Variants in ZNF345 observed in about 807,000 individuals in gnomAD.
ZNF345 encodes the protein zinc finger protein 345.
For synonymous variants in ZNF345, 166 were observed against 187.9 expected (o/e 0.88, Z 0.95); for missense variants, 527 against 589.9 (o/e 0.89, Z 1.10).
In ZNF345 at chr19:36,878,165, G is replaced by C. The variant is rs200277826; in HGVS notation, c.1335G>C (p.Gln445His). 14 of 1,614,078 alleles carry C rather than the reference G, an allele frequency of 8.7e-6. No individual in the cohort carries two copies. The East Asian group carries it at 3.1e-4, about 36-fold the overall frequency. The change falls in exon 3 of 3, where the codon CAG becomes CAC. Residue 445 changes from glutamine to histidine, a missense_variant. Transcript: ENST00000420450. ...GTGGCTCAAGCCTTACTCAGCATCAGAGAATTCATACAGGTGAGAAACTTT... is the reference window on the plus strand; with the variant it reads ...GTGGCTCAAGCCTTACTCAGCATCACAGAATTCATACAGGTGAGAAACTTT... ...FYSGSSLTQHQRIHTGEKLYE... is the reference protein window; with the variant it reads ...FYSGSSLTQHHRIHTGEKLYE...
intron 3 of ZNF345, chr19:36,891,351 G>A: frequency 1.2e-6 from 1 of 806,396 alleles, no homozygotes; most frequent in South Asian, 3.0e-5. Flanking sequence ...CAAGGTTTTG[G>A]TACTTGGTAC....
chr19:36,863,945 G>A (rs910044705), intron 2 of ZNF345, among the ~76,000 whole-genome samples: 9 of 152,070 alleles, frequency 5.9e-5, no homozygotes, highest in Non-Finnish European at 1.0e-4. Context: ...AATCCCATTG[G>A]CATGGAACTC....
intron 2 of ZNF345, among the ~76,000 whole-genome samples, chr19:36,867,158 A>G (rs2072677376): frequency 6.6e-6 from 1 of 152,228 alleles, no homozygotes; most frequent in Non-Finnish European, 1.5e-5. Context: ...TTTTTCCCAC[A>G]TCTTTACCAA....
Position 36,877,660 on chromosome 19 carries a change from A to C in ZNF345, c.830A>C (p.Gln277Pro), listed in dbSNP as rs1236722770. The C allele has an allele frequency of 1.2e-6, 2 of 1,614,126 alleles. No individual in the cohort carries two copies. Among genetic ancestry groups the C allele is most frequent in the South Asian group, 2.2e-5 (2 of 91,074 alleles). Residue 277 changes from glutamine (Q) to proline (P), a missense_variant, in exon 3 of 3, where the codon CAA (glutamine) becomes CCA (proline). Gln to Pro is a moderately conservative substitution (Grantham distance 76). Coordinates refer to ENST00000420450, the MANE Select transcript of ZNF345 (RefSeq NM_001242472.2). ...FSFGSALTRH[Q>P]RIHTGEKPYV... ...TTTGGATCAGCCCTTACTCGACATC[A>C]AAGAATTCATACTGGTGAGAAACCT...
At chr19:36,859,810 C>T (rs996185465) in intron 2 of ZNF345, among the ~76,000 whole-genome samples, 1 of 151,908 alleles carries the variant, frequency 6.6e-6, no homozygotes, top group Admixed American at 6.6e-5. Context: ...CCAGTTGTTA[C>T]CTTTTGCCTA....
intron 2 of ZNF345, among the ~76,000 whole-genome samples, chr19:36,856,717 A>G (rs1419483713): frequency 6.6e-6 from 1 of 152,046 alleles, no homozygotes; most frequent in Non-Finnish European, 1.5e-5. Context: ...TTAGCCGGGC[A>G]TGGTGGCAGG....
chr19:36,859,575 C>A (rs982014019), intron 2 of ZNF345, among the ~76,000 whole-genome samples: 9 of 151,280 alleles, frequency 5.9e-5, no homozygotes, highest in African/African-American at 2.2e-4. Context: ...GCATTTAATT[C>A]TATCAATTAC....
chr19:36,867,880 C>T (rs1174741345), intron 2 of ZNF345, among the ~76,000 whole-genome samples: 1 of 151,930 alleles, frequency 6.6e-6, no homozygotes, highest in Non-Finnish European at 1.5e-5. Flanking sequence ...ATTACTGTAG[C>T]TTTGTAGTAG....
At chr19:36,857,347 C>T (rs1229622919) in intron 2 of ZNF345, among the ~76,000 whole-genome samples, 1 of 152,090 alleles carries the variant, frequency 6.6e-6, no homozygotes, top group East Asian at 1.9e-4. Context: ...TGCTCTGTCG[C>T]CCAGGCTGGA....
intron 3 of ZNF345, chr19:36,891,477 T>TTACTTTACTGTCATTCAACCA (rs774854458): frequency 1.3e-6 from 2 of 1,523,176 alleles, no homozygotes; most frequent in Non-Finnish European, 1.8e-6. Flanking sequence ...CAAAATGGTC[T>TTACTTTACTGTCATTCAACCA]TACTTTACTG....
Position 36,877,173 on chromosome 19 carries a change from G to C in ZNF345, c.343G>C (p.Glu115Gln). 6.2e-7 allele frequency: 1 copy of C among 1,614,150 alleles called. No homozygotes were observed. Among genetic ancestry groups the C allele is most frequent in the Non-Finnish European group, 8.5e-7 (1 of 1,180,026 alleles). The change falls in exon 3 of 3, where the codon GAG becomes CAG. Residue 115 changes from glutamate to glutamine, a missense_variant. Physicochemically the swap from Glu to Gln is conservative, Grantham distance 29. Coordinates refer to ENST00000420450, the MANE Select transcript of ZNF345 (RefSeq NM_001242472.2). ...TTACCATCAAAGAATTCATACTGGT[G>C]AGAAGCCTTTTGAATGTAAAGAATG... is the stretch of plus-strand genomic sequence containing the variant. ...LAYHQRIHTG[E>Q]KPFECKECGK...
intron 2 of ZNF345, among the ~76,000 whole-genome samples, chr19:36,852,394 C>T (rs1159229695): frequency 1.3e-5 from 2 of 152,046 alleles, no homozygotes; most frequent in African/African-American, 2.4e-5. Flanking sequence ...GGGCGGATCA[C>T]GAGGTCAAGA....
Position 36,877,776 on chromosome 19 carries a change from T to A in ZNF345, c.946T>A (p.Cys316Ser), listed in dbSNP as rs1336657269. 1.9e-6 allele frequency: 3 copies of A among 1,613,542 alleles called. No individual in the cohort carries two copies. The highest frequency in any genetic ancestry group is 2.5e-6 in the Non-Finnish European group (3 of 1,179,950). Residue 316 changes from cysteine (C) to serine (S), a missense_variant, in exon 3 of 3, where the codon TGT becomes AGT. Transcript: ENST00000420450. ...TCACACTGGTGAGAAACCCTATGAG[T>A]GTAAGGAGTGTGAGAAAGCCTTTAG... Reference protein sequence around the residue: ...RIHTGEKPYECKECEKAFRSG... With the variant: ...RIHTGEKPYESKECEKAFRSG...
intron 2 of ZNF345, among the ~76,000 whole-genome samples, chr19:36,868,043 C>A (rs1244409251): frequency 6.8e-6 from 1 of 146,004 alleles, no homozygotes; most frequent in Admixed American, 6.9e-5. Context: ...TGCTGTGTCG[C>A]CCAGGCTAGA....
At chr19:36,891,982 C>T (rs1777801717) in intron 3 of ZNF345, 1 of 1,613,776 alleles carries the variant, frequency 6.2e-7, no homozygotes, top group South Asian at 1.1e-5. Flanking sequence ...ACATACTTTA[C>T]ATTCATAGGG....
At chr19:36,874,222 G>A (rs1239435183) in intron 2 of ZNF345, among the ~76,000 whole-genome samples, 1 of 152,204 alleles carries the variant, frequency 6.6e-6, no homozygotes. Flanking sequence ...GGCTGGGCAT[G>A]GTGGCTCATG....
Position 36,877,898 on chromosome 19 carries a change from C to A in ZNF345, c.1068C>A (p.Asp356Glu). ...ECGKTFSSGS[D>E]LTQHHRIHTG... ...GGAAGACCTTTAGTAGTGGTTCAGA[C>A]CTTACTCAACATCACAGAATTCATA... Residue 356 changes from aspartate (D) to glutamate (E), a missense_variant, in exon 3 of 3, where the codon GAC (aspartate) becomes GAA (glutamate). Transcript: ENST00000420450. 6.2e-6 allele frequency: 10 copies of A among 1,613,652 alleles called. No individual in the cohort carries two copies. Among genetic ancestry groups the A allele is most frequent in the Non-Finnish European group, 8.5e-6 (10 of 1,179,890 alleles).
At chr19:36,875,532 A>C (rs1568358982) in intron 2 of ZNF345, among the ~76,000 whole-genome samples, 1 of 152,172 alleles carries the variant, frequency 6.6e-6, no homozygotes, top group African/African-American at 2.4e-5. Flanking sequence ...CAGGCAGATC[A>C]CTGAGGAACT....
At chr19:36,869,040 C>G (rs1484120784) in intron 2 of ZNF345, among the ~76,000 whole-genome samples, 1 of 152,104 alleles carries the variant, frequency 6.6e-6, no homozygotes, top group Non-Finnish European at 1.5e-5. Flanking sequence ...TCTATTTAAT[C>G]TCCAACTGAT....
Sources: allele counts gnomAD v4.1 joint callset (sites outside exome capture counted in the v4.1 genomes callset), GRCh38; gene constraint gnomAD v4.1.1; transcripts MANE v1.5; gene names NCBI Gene and HGNC (gene_info 2026-07-23, HGNC 2026-07-21).